Variants in TCIRG1 observed in about 807,000 individuals in gnomAD.
The protein encoded by TCIRG1 is T cell immune regulator 1, ATPase H+ transporting V0 subunit a3, also known as V-type proton ATPase 116 kDa subunit a 3.
TCIRG1 carries 86 observed loss-of-function variants against 95.5 expected under a neutral mutation model. That is an observed-to-expected ratio of 0.90 (90% CI 0.76 to 1.08). TCIRG1 has a LOEUF of 1.08. Ranked by LOEUF, TCIRG1 falls within the 50% of genes least tolerant of loss-of-function variation. TCIRG1 has a pLI of 0.00. For synonymous variants in TCIRG1, 499 were observed against 501.3 expected (o/e 1.00, Z 0.06); for missense variants, 1,069 against 1,140.2 (o/e 0.94, Z 0.90).
chr11:68,048,110 A>G lies in TCIRG1; in HGVS notation c.1554+138A>G, dbSNP rs988175688. ...AGGCCCTTTCCTCAGCACAAGAGGC[A>G]GACAAGCCTCCTGCCCTGCGGAGCC... On this transcript the variant is annotated intron_variant, in intron 13 of 19. Coordinates refer to ENST00000265686, the MANE Select transcript of TCIRG1 (RefSeq NM_006019.4). 1.4e-5 allele frequency: 11 copies of G among 806,008 alleles called. No homozygotes were observed. In the African/African-American group the frequency reaches 1.5e-4, roughly 11 times the overall value. The allele number at this position is 806,008 out of a possible 1,614,324, so 49.9% of individuals were successfully genotyped here.
At chr11:68,049,642 C>T (rs906318786) in intron 15 of TCIRG1, 21 bp from the exon 16 acceptor site, 33 of 1,597,550 alleles carry the variant, frequency 2.1e-5, no homozygotes, top group Non-Finnish European at 2.7e-5. Context: ...GACGCCCTGA[C>T]TCTCGCCCTC....
intron 10 of TCIRG1, among the ~76,000 whole-genome samples, chr11:68,046,506 G>A (rs1048190410): frequency 6.6e-6 from 1 of 152,116 alleles, no homozygotes; most frequent in African/African-American, 2.4e-5. Context: ...TTTTCATAAG[G>A]ACATCGGGCA....
At chr11:68,046,267 G>C (rs1355434764) in intron 10 of TCIRG1, among the ~76,000 whole-genome samples, 1 of 152,178 alleles carries the variant, frequency 6.6e-6, no homozygotes, top group Non-Finnish European at 1.5e-5. Context: ...AGCACTTTGG[G>C]AGGCTGTGGT....
intron 2 of TCIRG1, 50 bp downstream of exon 2, chr11:68,041,438 C>A: frequency 7.3e-7 from 1 of 1,366,238 alleles, no homozygotes; most frequent in Non-Finnish European, 1.0e-6. Flanking sequence ...AAGGTTAGCC[C>A]GGAGGCCGGT....
chr11:68,047,252 GCCCCC>G (rs3075230), intron 10 of TCIRG1, among the ~76,000 whole-genome samples, 176 bp from the exon 11 acceptor site: 5 of 28,086 alleles, frequency 1.8e-4, no homozygotes, highest in African/African-American at 3.5e-4. Context: ...CTCGGGTGAT[GCCCCC>G]CCCCCCCCCC....
At chr11:68,049,321 C>A (rs1202880214) in intron 15 of TCIRG1, 27 bp downstream of exon 15, 3 of 1,589,582 alleles carry the variant, frequency 1.9e-6, no homozygotes, top group East Asian at 2.2e-5. Context: ...GGGGGCCGGG[C>A]TCACACGGCC....
intron 15 of TCIRG1, 118 bp from the exon 16 acceptor site, chr11:68,049,545 G>A (rs577139125): frequency 9.3e-6 from 13 of 1,399,636 alleles, no homozygotes; most frequent in South Asian, 8.7e-5. Context: ...CGGAGCCCCC[G>A]GGGGCCCTGG....
At position 68,042,983 on chromosome 11, in the gene TCIRG1, C is replaced by T. The variant is rs760540347; in HGVS notation, c.455C>T (p.Thr152Met). Residue 152 changes from threonine to methionine, a missense_variant, in exon 5 of 20, where the codon ACG (threonine) becomes ATG (methionine). Transcript: ENST00000265686. Reference sequence around the variant, plus strand: ...CACACAGATGGGGCCTCAGAGAGGACGCCCCTGCTCCAGGCCCCCGGGGGG... The same window carrying T: ...CACACAGATGGGGCCTCAGAGAGGATGCCCCTGCTCCAGGCCCCCGGGGGG... ...AAHTDGASER[T>M]PLLQAPGGPH... 34 of 1,554,670 alleles carry T rather than the reference C, an allele frequency of 2.2e-5. No individual in the cohort carries two copies. Among genetic ancestry groups the T allele is most frequent in the African/African-American group, 8.2e-5 (6 of 73,178 alleles).
In TCIRG1 at chr11:68,039,040, G is replaced by A. The variant is rs1434572959; in HGVS notation, c.-84G>A. ...AGCGGCGCCTAGTCCCGGGCTGGCG[G>A]GAGTGCAGTTCTGAGTCCCGCCCGG... On this transcript the variant is annotated 5_prime_UTR_variant, in exon 1 of 20. Transcript: ENST00000265686. 5 of 152,282 alleles carry A rather than the reference G, an allele frequency of 3.3e-5. No individual in the cohort carries two copies. The highest frequency in any genetic ancestry group is 7.3e-5 in the Non-Finnish European group (5 of 68,090). The allele number at this position is 152,282 out of a possible 1,614,324, so 9.4% of individuals were successfully genotyped here. A position where few individuals can be genotyped will look rare whatever the true frequency, so the allele number is the denominator to read the frequency against.
rs755617128 is a variant in TCIRG1, at chr11:68,043,858, G to C, written c.758G>C (p.Arg253Pro). 5 of 1,569,558 alleles carry C rather than the reference G, an allele frequency of 3.2e-6. No individual in the cohort carries two copies. The South Asian group carries it at 4.7e-5, about 15-fold the overall frequency. ...VFPFLQQEEA[R>P]LGALQQLQQQ... ...CCGTTTCTGCAGCAGGAGGAGGCCC[G>C]CCTCGGGGCCCTGCAGCAGCTGCAA... The change falls in exon 8 of 20, where the codon CGC becomes CCC. Residue 253 changes from arginine to proline, a missense_variant. By Grantham distance (103) the Arg-to-Pro change is moderately radical. Coordinates refer to ENST00000265686, the MANE Select transcript of TCIRG1 (RefSeq NM_006019.4).
chr11:68,045,126 C>T (rs373758029), intron 10 of TCIRG1, 24 bp downstream of exon 10: 60 of 1,599,110 alleles, frequency 3.8e-5, no homozygotes, highest in African/African-American at 2.8e-4. Context: ...CATCCTTACC[C>T]GTGTCCTGGG....
In TCIRG1 at chr11:68,049,691, T is replaced by C; in HGVS notation, c.1916T>C (p.Leu639Pro). The change falls in exon 16 of 20, where the codon CTG becomes CCG. Residue 639 changes from leucine to proline, a missense_variant. Coordinates refer to ENST00000265686, the MANE Select transcript of TCIRG1 (RefSeq NM_006019.4). ...GTGGTCCAGGCCACGCTGGTGGTCCTGGCCTTGGCCATGGTGCCCATCCTG... is the reference window on the plus strand; with the variant it reads ...GTGGTCCAGGCCACGCTGGTGGTCCCGGCCTTGGCCATGGTGCCCATCCTG... ...QEVVQATLVV[L>P]ALAMVPILLL... 3 of 1,600,314 alleles carry C rather than the reference T, an allele frequency of 1.9e-6. No individual in the cohort carries two copies. The highest frequency in any genetic ancestry group is 2.2e-5 in the East Asian group (1 of 44,758).
chr11:68,053,153 C>T (rs756213413), downstream of TCIRG1: 6 of 156,132 alleles, frequency 3.8e-5, 1 homozygote, highest in Non-Finnish European at 7.1e-5. Context: ...TCACAGGATC[C>T]GACACTCCAG....
At position 68,049,952 on chromosome 11, in the gene TCIRG1, C is replaced by A; in HGVS notation, c.2014-10C>A. ...TGGAGTGCTGCCAACACTGCCTGCT[C>A]ATGCCCCAGGAGGAAAACAAGGCCG... On this transcript the variant is annotated splice_polypyrimidine_tract_variant and intron_variant, in intron 16 of 19. Transcript: ENST00000265686. 1 of 1,606,882 alleles carries A rather than the reference C, an allele frequency of 6.2e-7. No homozygotes were observed. The highest frequency in any genetic ancestry group is 1.1e-5 in the South Asian group (1 of 90,276).
In TCIRG1 at chr11:68,047,479, CG is replaced by C; in HGVS notation, c.1216del (p.Asp406MetfsTer24). The C allele has an allele frequency of 6.2e-7, 1 of 1,614,012 alleles. No individual in the cohort carries two copies. Among genetic ancestry groups the C allele is most frequent in the Non-Finnish European group, 8.5e-7 (1 of 1,179,990 alleles). ...TCCCCTTCCTGTTTGCTGTGATGTT[CG>C]GGGATGTGGGCCACGGGCTGCTCAT... is the stretch of plus-strand genomic sequence containing the variant. Reference protein sequence around the residue: ...TFPFLFAVMFGDVGHGLLMFL... With the variant: ...TFPFLFAVMFXDVGHGLLMFL... On this transcript the variant is annotated frameshift_variant, in exon 11 of 20. Coordinates refer to ENST00000265686, the MANE Select transcript of TCIRG1 (RefSeq NM_006019.4). LOFTEE classifies it high-confidence loss of function.
In TCIRG1 at chr11:68,041,345, G is replaced by C; in HGVS notation, c.74G>C (p.Cys25Ser). 1 of 1,613,208 alleles carries C rather than the reference G, an allele frequency of 6.2e-7. No individual in the cohort carries two copies. Among genetic ancestry groups the C allele is most frequent in the Non-Finnish European group, 8.5e-7 (1 of 1,179,930 alleles). The stretch of plus-strand genomic sequence containing the variant: ...CTGCCCACAGCGGCTGCCTACACCT[G>C]CGTGAGTCGGCTGGGCGAGCTGGGC... Reference protein sequence around the residue: ...LFLPTAAAYTCVSRLGELGLV... With the variant: ...LFLPTAAAYTSVSRLGELGLV... The change falls in exon 2 of 20, where the codon TGC (cysteine) becomes TCC (serine). Residue 25 changes from cysteine to serine, a missense_variant. Physicochemically the swap from Cys to Ser is moderately radical, Grantham distance 112 (BLOSUM62 -1). Coordinates refer to ENST00000265686, the MANE Select transcript of TCIRG1 (RefSeq NM_006019.4).
Position 68,044,941 on chromosome 11 carries a change from T to C in TCIRG1, c.1021-17T>C. 1 of 1,606,140 alleles carries C rather than the reference T, an allele frequency of 6.2e-7. No individual in the cohort carries two copies. The highest frequency in any genetic ancestry group is 8.5e-7 in the Non-Finnish European group (1 of 1,179,936). On this transcript the variant is annotated splice_polypyrimidine_tract_variant and intron_variant, in intron 9 of 19. Coordinates refer to ENST00000265686, the MANE Select transcript of TCIRG1 (RefSeq NM_006019.4). ...GCCCCCGCCACCGTTCTGGTCTGTC[T>C]CTGCCCTGGCACCCAGATGGAGGAG...
chr11:68,041,471 T>G (rs7116924), intron 2 of TCIRG1, 83 bp downstream of exon 2: 237 of 1,005,958 alleles, frequency 2.4e-4, no homozygotes, highest in African/African-American at 1.0e-3. Context: ...CTGCCCCCCC[T>G]CCGCCATAGG....
At position 68,043,820 on chromosome 11, in the gene TCIRG1, C is replaced by G; in HGVS notation, c.720C>G (p.His240Gln). The G allele has an allele frequency of 6.4e-7, 1 of 1,563,008 alleles. No homozygotes were observed. The highest frequency in any genetic ancestry group is 2.4e-5 in the East Asian group (1 of 42,082). The change falls in exon 8 of 20, where the codon CAC (histidine) becomes CAG (glutamine). Residue 240 changes from histidine to glutamine, a missense_variant. His to Gln is a conservative substitution (Grantham distance 24). Coordinates refer to ENST00000265686, the MANE Select transcript of TCIRG1 (RefSeq NM_006019.4). ...CAGCGCATCCTCCCTCCAGCTTCCACTGCCACGTCTTCCCGTTTCTGCAGC... is the reference window on the plus strand; with the variant it reads ...CAGCGCATCCTCCCTCCAGCTTCCAGTGCCACGTCTTCCCGTTTCTGCAGC... ...QKIRKITDCF[H>Q]CHVFPFLQQE...
Sources: allele counts gnomAD v4.1 joint callset (sites outside exome capture counted in the v4.1 genomes callset), GRCh38; gene constraint gnomAD v4.1.1; transcripts MANE v1.5; gene names NCBI Gene and HGNC (gene_info 2026-07-23, HGNC 2026-07-21).